The following PDLIM5 variants were observed in gnomAD, a reference collection of about 807,000 sequenced individuals.
PDLIM5 encodes PDZ and LIM domain 5.
In PDLIM5, 34 loss-of-function variants were observed where a neutral mutation model predicts 64.2. The observed-to-expected ratio is 0.53, with a 90% confidence interval of 0.40 to 0.71. The LOEUF (loss-of-function observed/expected upper bound fraction) is 0.71. Among genes scored for constraint, PDLIM5 ranks in the 30% least tolerant of loss-of-function variants. The pLI, the probability that PDLIM5 is intolerant of heterozygous loss-of-function variation, is 0.00. For missense variants in PDLIM5, 683 were observed against 733.6 expected, an observed-to-expected ratio of 0.93 and a Z score of 0.80; for synonymous variants, 253 against 269.1, an observed-to-expected ratio of 0.94 and a Z score of 0.59.
intron 5 of PDLIM5, chr4:94,584,751 T>G: frequency 2.2e-6 from 1 of 459,446 alleles, no homozygotes; most frequent in South Asian, 3.8e-5. Flanking sequence ...TCATTTAATT[T>G]CGTGAAAGCC....
intron 2 of PDLIM5, among the ~76,000 whole-genome samples, chr4:94,507,871 C>T (rs1728525427): frequency 6.6e-6 from 1 of 152,200 alleles, no homozygotes; most frequent in African/African-American, 2.4e-5. Flanking sequence ...TGGAGAAATA[C>T]TCTGCCAGGC....
intron 3 of PDLIM5, among the ~76,000 whole-genome samples, chr4:94,550,359 TAA>T (rs976370668): frequency 5.9e-5 from 9 of 152,158 alleles, no homozygotes; most frequent in South Asian, 2.1e-4. Flanking sequence ...TCCCAATGTG[TAA>T]AGAGTAAGTG....
chr4:94,664,220 G>T lies in PDLIM5; in HGVS notation c.*153G>T. 2 of 1,199,190 alleles carry T rather than the reference G, an allele frequency of 1.7e-6. No homozygotes were observed. Among genetic ancestry groups the T allele is most frequent in the South Asian group, 6.6e-5 (2 of 30,254 alleles). The allele number at this position is 1,199,190 out of a possible 1,614,324, so 74.3% of individuals were successfully genotyped here. On this transcript the variant is annotated 3_prime_UTR_variant, in exon 13 of 13. Transcript: ENST00000317968. The stretch of plus-strand genomic sequence containing the variant: ...TCCAGCTTTAAAAACCAAGTCTGAG[G>T]AAATATTTGGCTTCATAAAGTAAAG...
Position 94,638,944 on chromosome 4 carries a change from T to C in PDLIM5, c.1109-1332T>C, listed in dbSNP as rs1432387016. On this transcript the variant is annotated intron_variant, in intron 8 of 12. Coordinates refer to ENST00000317968, the MANE Select transcript of PDLIM5 (RefSeq NM_006457.5). ...TAAGGGAAGGAAAGGCACAGAAATATATAGCAGAAACAGTAACACATTAAC... is the reference window on the plus strand; with the variant it reads ...TAAGGGAAGGAAAGGCACAGAAATACATAGCAGAAACAGTAACACATTAAC... 2.6e-5 allele frequency among the ~76,000 whole-genome samples: 4 copies of C among 152,186 alleles called. No individual in the cohort carries two copies. The East Asian group carries it at 5.8e-4, about 22-fold the overall frequency.
In PDLIM5 at chr4:94,514,133, C is replaced by CTT. The variant is rs34757067; in HGVS notation, c.97-9573_97-9572dup. ...GTTGAATTCGGTTTGCTAGTATTTT[C>CTT]TTTTTTTTTTTTTTTTTTTGAGACG... On this transcript the variant is annotated intron_variant, in intron 2 of 12. Transcript: ENST00000317968. Among the ~76,000 whole-genome samples the CTT allele has an allele frequency of 1.8e-4, 21 of 115,132 alleles. 1 individual carries two copies. Among genetic ancestry groups the CTT allele is most frequent in the Middle Eastern group, 4.2e-3 (1 of 236 alleles). 75.5% of individuals were successfully genotyped at this position (115,132 alleles called of 152,430 possible).
intron 6 of PDLIM5, among the ~76,000 whole-genome samples, 156 bp downstream of exon 6, chr4:94,585,893 C>T (rs528052771): frequency 4.6e-5 from 7 of 152,168 alleles, no homozygotes; most frequent in Admixed American, 6.5e-5. Context: ...GACCCCAGGC[C>T]GGGCACAGTG....
chr4:94,455,534 A>T, intron 2 of PDLIM5, 150 bp downstream of exon 2: 1 of 667,504 alleles, frequency 1.5e-6, no homozygotes, highest in Non-Finnish European at 2.6e-6. Context: ...ATAATAAAGG[A>T]TGAGGGGAGT....
rs998848543 is a variant in PDLIM5, at chr4:94,641,279, T to C, written c.1283+829T>C. 3.9e-5 allele frequency among the ~76,000 whole-genome samples: 6 copies of C among 152,360 alleles called. No individual in the cohort carries two copies. In the East Asian group the frequency reaches 9.6e-4, roughly 24 times the overall value. The stretch of plus-strand genomic sequence containing the variant: ...ATTGAAACAGTGGCTTCTCTAAAGT[T>C]GAATAAGGTTAAAACTTAATTGCAT... On this transcript the variant is annotated intron_variant, in intron 9 of 12. Transcript: ENST00000317968.
intron 2 of PDLIM5, among the ~76,000 whole-genome samples, chr4:94,498,699 T>TA (rs1163430547): frequency 6.6e-6 from 1 of 152,220 alleles, no homozygotes; most frequent in Non-Finnish European, 1.5e-5. Flanking sequence ...GCATCCACTG[T>TA]AAGATGAGGA....
intron 10 of PDLIM5, among the ~76,000 whole-genome samples, chr4:94,655,629 G>A (rs1742150718): frequency 6.6e-6 from 1 of 152,092 alleles, no homozygotes; most frequent in South Asian, 2.1e-4. Flanking sequence ...AAGTGGAATG[G>A]TTCAGACTGT....
Position 94,665,631 on chromosome 4 carries a change from T to C in PDLIM5, c.*1564T>C, listed in dbSNP as rs1345445320. The C allele has an allele frequency of 2.0e-6, 2 of 1,014,956 alleles. No homozygotes were observed. The highest frequency in any genetic ancestry group is 2.4e-6 in the Non-Finnish European group (2 of 849,466). The allele number at this position is 1,014,956 out of a possible 1,614,324, so 62.9% of individuals were successfully genotyped here. Reference sequence around the variant, plus strand: ...ATTAGTTAAATCAGTTTCTGAGTTATGCCACTGGCTGATGAAGAGTTGAGA... The same window carrying C: ...ATTAGTTAAATCAGTTTCTGAGTTACGCCACTGGCTGATGAAGAGTTGAGA... On this transcript the variant is annotated 3_prime_UTR_variant, in exon 13 of 13. Coordinates refer to ENST00000317968, the MANE Select transcript of PDLIM5 (RefSeq NM_006457.5).
intron 7 of PDLIM5, among the ~76,000 whole-genome samples, chr4:94,602,823 G>T (rs115045076): frequency 0.016 from 2,457 of 152,148 alleles, 80 homozygotes; most frequent in African/African-American, 0.056. Context: ...CAGTACAGTA[G>T]CTCCACCATA....
chr4:94,662,604 G>A, intron 12 of PDLIM5, 67 bp downstream of exon 12: 3 of 656,440 alleles, frequency 4.6e-6, no homozygotes, highest in Non-Finnish European at 5.6e-6. Context: ...AGTATTTAAT[G>A]GAAATATCAG....
chr4:94,654,270 C>G (rs560701538), intron 9 of PDLIM5, among the ~76,000 whole-genome samples, 190 bp from the exon 10 acceptor site: 1 of 152,100 alleles, frequency 6.6e-6, no homozygotes, highest in Admixed American at 6.5e-5. Context: ...GCACGTCTCC[C>G]GTTTTCTTTT....
At chr4:94,501,244 T>C (rs1727892879) in intron 2 of PDLIM5, among the ~76,000 whole-genome samples, 1 of 152,050 alleles carries the variant, frequency 6.6e-6, no homozygotes, top group Non-Finnish European at 1.5e-5. Flanking sequence ...GGCTAATCTT[T>C]TTAATATTAT....
chr4:94,500,560 G>T (rs1336753943), intron 2 of PDLIM5, among the ~76,000 whole-genome samples: 1 of 152,028 alleles, frequency 6.6e-6, no homozygotes, highest in Non-Finnish European at 1.5e-5. Flanking sequence ...GGGCAGAAAA[G>T]GTGTTTTGAG....
intron 5 of PDLIM5, chr4:94,584,970 C>A: frequency 6.6e-7 from 1 of 1,519,476 alleles, no homozygotes; most frequent in Non-Finnish European, 9.1e-7. Context: ...TGCTGCCTTC[C>A]TCTGTCAATT....
chr4:94,665,114 AT>A lies in PDLIM5; in HGVS notation c.*1054del, dbSNP rs11339365. On this transcript the variant is annotated 3_prime_UTR_variant, in exon 13 of 13. Coordinates refer to ENST00000317968, the MANE Select transcript of PDLIM5 (RefSeq NM_006457.5). ...TCATCACCTATATTAGGCAAATTCC[AT>A]TTTTTTCCCTTGTGCTAAGGTAAAG... is the stretch of plus-strand genomic sequence containing the variant. 0.57 allele frequency: 542,658 copies of A among 944,826 alleles called. 158,411 individuals are homozygous for A. The highest frequency in any genetic ancestry group is 0.59 in the Admixed American group (9,632 of 16,216). The allele number at this position is 944,826 out of a possible 1,614,324, so 58.5% of individuals were successfully genotyped here. A position where few individuals can be genotyped will look rare whatever the true frequency, so the allele number is the denominator to read the frequency against.
At chr4:94,485,403 T>C (rs1726224022) in intron 2 of PDLIM5, among the ~76,000 whole-genome samples, 1 of 152,208 alleles carries the variant, frequency 6.6e-6, no homozygotes, top group African/African-American at 2.4e-5. Flanking sequence ...TACAGCTATG[T>C]CATCAAGCAA....
Sources: allele counts gnomAD v4.1 joint callset (sites outside exome capture counted in the v4.1 genomes callset), GRCh38; gene constraint gnomAD v4.1.1; transcripts MANE v1.5; gene names NCBI Gene and HGNC (gene_info 2026-07-23, HGNC 2026-07-21).